Variants in RAB27A observed in about 807,000 individuals in gnomAD.
RAB27A encodes the protein RAB27A, member RAS oncogene family.
In RAB27A, 17 loss-of-function variants were observed where a neutral mutation model predicts 20.8. The ratio of observed to expected loss-of-function variants is 0.82; its 90% CI spans 0.56 to 1.23. The LOEUF is 1.23. Ranked by LOEUF, RAB27A falls within the 50% of genes most tolerant of loss-of-function variation. The probability of loss-of-function intolerance (pLI) is 0.00; values close to 1 mark genes in which losing one functional copy is unlikely to be tolerated. For missense variants in RAB27A, 277 were observed against 266.7 expected, an observed-to-expected ratio of 1.04 and a Z score of -0.27; for synonymous variants, 85 against 92.8, an observed-to-expected ratio of 0.92 and a Z score of 0.48.
intron 5 of RAB27A, among the ~76,000 whole-genome samples, chr15:55,226,328 T>C (rs994279342): frequency 2.6e-5 from 4 of 152,108 alleles, no homozygotes; most frequent in Non-Finnish European, 5.9e-5. Flanking sequence ...CTTTAGACTT[T>C]TATCACCCTT....
At chr15:55,299,283 C>T (rs1198261005) in intron 2 of RAB27A, among the ~76,000 whole-genome samples, 1 of 152,178 alleles carries the variant, frequency 6.6e-6, no homozygotes, top group African/African-American at 2.4e-5. Context: ...CCGGTCCCTC[C>T]ATTTGGGGCC....
intron 1 of RAB27A, among the ~76,000 whole-genome samples, chr15:55,281,915 A>T (rs1447322406): frequency 6.6e-6 from 1 of 152,164 alleles, no homozygotes; most frequent in Non-Finnish European, 1.5e-5. Flanking sequence ...ATTTTGTCTC[A>T]TGCTCCTCAA....
chr15:55,277,548 G>A (rs1897909230), intron 1 of RAB27A, among the ~76,000 whole-genome samples: 1 of 152,134 alleles, frequency 6.6e-6, no homozygotes, highest in South Asian at 2.1e-4. Flanking sequence ...TTTGCTGTCA[G>A]GCAGCTATCC....
chr15:55,290,487 C>T (rs1475745090), upstream of RAB27A: 1 of 152,270 alleles, frequency 6.6e-6, no homozygotes, highest in East Asian at 1.9e-4. Flanking sequence ...GGAGTCTCTG[C>T]TCACACTGTG....
intron 2 of RAB27A, among the ~76,000 whole-genome samples, chr15:55,264,969 A>C (rs1897409961): frequency 6.6e-6 from 1 of 152,186 alleles, no homozygotes; most frequent in Non-Finnish European, 1.5e-5. Context: ...AGGGCCCGGC[A>C]TGGTGGCTCA....
chr15:55,262,714 C>A (rs1043259440), intron 2 of RAB27A, among the ~76,000 whole-genome samples: 4 of 150,512 alleles, frequency 2.7e-5, no homozygotes, highest in African/African-American at 9.8e-5. Flanking sequence ...CTCACTGCAG[C>A]CTCGGCCTCC....
chr15:55,212,189 C>A (rs139334640), intron 6 of RAB27A, among the ~76,000 whole-genome samples: 7 of 152,132 alleles, frequency 4.6e-5, no homozygotes, highest in African/African-American at 1.7e-4. Context: ...ACACAATATT[C>A]CCATTTCACA....
intron 1 of RAB27A, chr15:55,317,190 T>TA (rs35126191): frequency 0.044 from 6,713 of 152,346 alleles, 235 homozygotes; most frequent in Middle Eastern, 0.061. Flanking sequence ...AGTGTTAGGT[T>TA]AAAAAATCAT....
intron 6 of RAB27A, among the ~76,000 whole-genome samples, chr15:55,206,102 T>C (rs1894637297): frequency 6.6e-6 from 1 of 151,970 alleles, no homozygotes; most frequent in Non-Finnish European, 1.5e-5. Flanking sequence ...TCCCAGCTAC[T>C]GGGGAGGCTG....
At chr15:55,246,084 T>C (rs1896674390) in intron 2 of RAB27A, among the ~76,000 whole-genome samples, 1 of 150,980 alleles carries the variant, frequency 6.6e-6, no homozygotes, top group South Asian at 2.1e-4. Context: ...GATATATATA[T>C]GATATAGATA....
At chr15:55,224,418 T>C (rs1230966626) in intron 5 of RAB27A, among the ~76,000 whole-genome samples, 40 of 152,252 alleles carry the variant, frequency 2.6e-4, no homozygotes, top group African/African-American at 2.4e-5. Context: ...TTTTTCTCCA[T>C]AGCAATGACA....
chr15:55,254,916 G>C (rs755242945), intron 2 of RAB27A, among the ~76,000 whole-genome samples: 7 of 152,198 alleles, frequency 4.6e-5, no homozygotes, highest in Non-Finnish European at 7.3e-5. Context: ...ACACAATTTA[G>C]TTGTCCAAGT....
rs961595838 is a variant in RAB27A at position 55,317,610 on chromosome 15, G to A, written c.-234+1321C>T. The A allele has an allele frequency of 1.0e-5, 4 of 397,162 alleles. No individual in the cohort carries two copies. In the South Asian group the frequency reaches 5.1e-4, roughly 51 times the overall value. The allele number at this position is 397,162 out of a possible 1,614,324, so 24.6% of individuals were successfully genotyped here. A position where few individuals can be genotyped will look rare whatever the true frequency, so the allele number is the denominator to read the frequency against. On this transcript the variant is annotated intron_variant, in intron 1 of 5. Coordinates refer to the RAB27A transcript ENST00000563262. ...TTACAGGCGTGAGCCACTGCGCCAG[G>A]CCTAACTCCATGTAGTATTAACTTT...
chr15:55,307,811 T>G (rs1018892995), intron 2 of RAB27A, among the ~76,000 whole-genome samples: 5 of 151,026 alleles, frequency 3.3e-5, no homozygotes, highest in Non-Finnish European at 5.9e-5. Flanking sequence ...AGGGGATTAT[T>G]TCTTTGGCAC....
chr15:55,259,232 CTCTTAA>C (rs1033546103), intron 2 of RAB27A, among the ~76,000 whole-genome samples: 1 of 151,766 alleles, frequency 6.6e-6, no homozygotes, highest in Non-Finnish European at 1.5e-5. Flanking sequence ...TTTTTAGTGG[CTCTTAA>C]TCTTAAAATA....
At chr15:55,284,387 T>C (rs1202777867) in intron 1 of RAB27A, among the ~76,000 whole-genome samples, 2 of 152,166 alleles carry the variant, frequency 1.3e-5, no homozygotes, top group Non-Finnish European at 2.9e-5. Flanking sequence ...TTAGTTGTTG[T>C]GGAATTATAC....
intron 1 of RAB27A, among the ~76,000 whole-genome samples, chr15:55,274,704 G>C (rs1171714656): frequency 2.0e-5 from 3 of 148,932 alleles, no homozygotes; most frequent in Admixed American, 6.7e-5. Context: ...CTTGAACCTG[G>C]GAAGCAGAAG....
intron 3 of RAB27A, among the ~76,000 whole-genome samples, chr15:55,233,124 CAAAAAGA>C (rs1280924182): frequency 2.0e-5 from 3 of 149,160 alleles, no homozygotes; most frequent in Non-Finnish European, 4.4e-5. Context: ...GACCCTGTCT[CAAAAAGA>C]AAAAAGAAAA....
chr15:55,248,241 C>CCACA (rs1458434694), intron 2 of RAB27A, among the ~76,000 whole-genome samples: 1 of 152,182 alleles, frequency 6.6e-6, no homozygotes, highest in Non-Finnish European at 1.5e-5. Flanking sequence ...ATCCACCCTA[C>CCACA]CACACCCCAT....
Sources: allele counts gnomAD v4.1 joint callset (sites outside exome capture counted in the v4.1 genomes callset), GRCh38; gene constraint gnomAD v4.1.1; transcripts MANE v1.5; gene names NCBI Gene and HGNC (gene_info 2026-07-23, HGNC 2026-07-21).